The following DMD variants were observed in gnomAD, a reference collection of about 807,000 sequenced individuals.
DMD encodes mutant dystrophin.
DMD carries 63 observed loss-of-function variants against 330.1 expected under a neutral mutation model. The observed-to-expected ratio is 0.19, with a 90% CI of 0.16 to 0.24. The LOEUF (loss-of-function observed/expected upper bound fraction) is 0.24. Among genes scored for constraint, DMD ranks in the 10% least tolerant of loss-of-function variants. The pLI, the probability that DMD is intolerant of heterozygous loss-of-function variation, is 1.00. For missense variants in DMD, 3,344 were observed against 2,684.1 expected, an observed-to-expected ratio of 1.25 and a Z score of -5.43; for synonymous variants, 1,223 against 959.8, an observed-to-expected ratio of 1.27 and a Z score of -5.07.
chrX:31,316,256 A>G (rs1415947968), intron 62 of DMD, among the ~76,000 whole-genome samples: 3 of 112,444 alleles, frequency 2.7e-5, no homozygotes, highest in Non-Finnish European at 5.6e-5. Flanking sequence ...TTTGAGTGGT[A>G]AATCTAAATT....
At chrX:33,064,510 A>G (rs1213080108) in intron 1 of DMD, among the ~76,000 whole-genome samples, 1 of 112,504 alleles carries the variant, frequency 8.9e-6, no homozygotes, top group Non-Finnish European at 1.9e-5. Flanking sequence ...ACCACCGAAT[A>G]TACTTGATTA....
At chrX:33,087,131 C>T (rs996416101) in intron 1 of DMD, among the ~76,000 whole-genome samples, 2 of 111,686 alleles carry the variant, frequency 1.8e-5, no homozygotes, top group African/African-American at 6.5e-5. Flanking sequence ...GTCAGGAAAG[C>T]TCAAGAGATT....
intron 26 of DMD, among the ~76,000 whole-genome samples, chrX:32,450,539 T>C (rs186745182): frequency 2.1e-4 from 23 of 110,744 alleles, no homozygotes; most frequent in African/African-American, 7.2e-4. Flanking sequence ...TGCTACTGTG[T>C]TCTGTGCCAG....
At chrX:32,866,638 A>G (rs971508031) in intron 2 of DMD, among the ~76,000 whole-genome samples, 1 of 106,770 alleles carries the variant, frequency 9.4e-6, no homozygotes, top group African/African-American at 3.4e-5. Flanking sequence ...GCAAAAAAGA[A>G]TTAACGAAGC....
intron 63 of DMD, among the ~76,000 whole-genome samples, chrX:31,232,571 G>A (rs2047320209): frequency 9.0e-6 from 1 of 111,489 alleles, no homozygotes; most frequent in Admixed American, 9.5e-5. Flanking sequence ...GCCAGTTTAT[G>A]TAGCCAAGAA....
chrX:32,406,299 A>G (rs1483159451), intron 30 of DMD, among the ~76,000 whole-genome samples: 2 of 111,314 alleles, frequency 1.8e-5, no homozygotes, highest in Non-Finnish European at 3.8e-5. Context: ...GTTGAATAGG[A>G]GCAGTGAGAG....
chrX:32,730,144 G>A (rs940195347), intron 7 of DMD, among the ~76,000 whole-genome samples: 1 of 111,520 alleles, frequency 9.0e-6, no homozygotes, highest in African/African-American at 3.3e-5. Context: ...ACCAACCGGG[G>A]CAATGAAGCA....
chrX:31,828,331 A>G (rs760845946), intron 49 of DMD, among the ~76,000 whole-genome samples: 4 of 111,586 alleles, frequency 3.6e-5, no homozygotes, highest in Admixed American at 1.9e-4. Context: ...ATTCCTGGAA[A>G]CACACAACCC....
intron 7 of DMD, among the ~76,000 whole-genome samples, chrX:32,732,964 T>A (rs1471783987): frequency 1.8e-5 from 2 of 111,118 alleles, no homozygotes; most frequent in African/African-American, 6.6e-5. Context: ...AGACACAGAC[T>A]GGCAACTTGG....
rs377421289 is a variant in DMD, at chrX:31,344,512, G to A, written c.9163+4044C>T. Among the ~76,000 whole-genome samples, 8 of 111,314 alleles carry A rather than the reference G, an allele frequency of 7.2e-5. No homozygotes were observed. In the East Asian group the frequency reaches 2.0e-3, roughly 28 times the overall value. ...AAGATAGTTTTAAGGGAAAAAAGCA[G>A]CTCATAAAACTGTAGCATGTTTTTA... On this transcript the variant is annotated intron_variant, in intron 61 of 78. Coordinates refer to ENST00000357033, the MANE Select transcript of DMD (RefSeq NM_004006.3).
At position 31,929,621 on chromosome X, in the gene DMD, T is replaced by G; in HGVS notation, c.6887A>C (p.Lys2296Thr). ...CTTTATCCACTGGAGATTTGTCTGC[T>G]TGAGCTTATTTTCAAGTTTATCTTG... ...EEQDKLENKLKQTNLQWIKVS... is the reference protein window; with the variant it reads ...EEQDKLENKLTQTNLQWIKVS... Residue 2296 changes from lysine (K) to threonine (T), a missense_variant, in exon 47 of 79, where the codon AAG (lysine) becomes ACG (threonine). Lys to Thr is a moderately conservative substitution (Grantham distance 78). Coordinates refer to ENST00000357033, the MANE Select transcript of DMD (RefSeq NM_004006.3). 1 of 1,211,338 alleles carries G rather than the reference T, an allele frequency of 8.3e-7. No homozygotes were observed. Among genetic ancestry groups the G allele is most frequent in the Non-Finnish European group, 1.1e-6 (1 of 895,380 alleles).
chrX:31,185,154 T>C (rs2041640754), intron 67 of DMD, among the ~76,000 whole-genome samples: 1 of 111,627 alleles, frequency 9.0e-6, no homozygotes, highest in Admixed American at 9.4e-5. Flanking sequence ...CTATCTGTTT[T>C]CTATCTTGTG....
intron 71 of DMD, among the ~76,000 whole-genome samples, chrX:31,175,466 C>T (rs945058068): frequency 2.7e-5 from 3 of 110,922 alleles, no homozygotes; most frequent in Non-Finnish European, 5.7e-5. Context: ...TGCATAAGCA[C>T]AAGAACTTAC....
intron 34 of DMD, among the ~76,000 whole-genome samples, chrX:32,366,697 C>G (rs1171615318): frequency 8.9e-6 from 1 of 111,781 alleles, no homozygotes; most frequent in Non-Finnish European, 1.9e-5. Context: ...GGCTGTCTTT[C>G]TGCCACGCCA....
At chrX:32,854,729 C>T (rs908104284) in intron 2 of DMD, among the ~76,000 whole-genome samples, 8 of 110,956 alleles carry the variant, frequency 7.2e-5, no homozygotes, top group African/African-American at 2.0e-4. Flanking sequence ...AAGAAAAGCC[C>T]GAGACCTGAT....
At chrX:32,785,436 TAAG>T (rs1421616017) in intron 7 of DMD, among the ~76,000 whole-genome samples, 2 of 111,679 alleles carry the variant, frequency 1.8e-5, no homozygotes, top group Non-Finnish European at 3.8e-5. Flanking sequence ...TTTCTTTCAA[TAAG>T]AACATTCCTT....
chrX:31,293,203 TA>T (rs1351138790), intron 62 of DMD, among the ~76,000 whole-genome samples: 1,169 of 45,209 alleles, frequency 0.026, 31 homozygotes, highest in African/African-American at 0.15. Context: ...TAGTCTGGTT[TA>T]GTGTGTGTGT....
chrX:31,717,560 G>T (rs2085155346), intron 52 of DMD, among the ~76,000 whole-genome samples: 1 of 111,771 alleles, frequency 8.9e-6, no homozygotes, highest in African/African-American at 3.2e-5. Flanking sequence ...TCCTACAAGG[G>T]ATTAGACTAA....
intron 12 of DMD, among the ~76,000 whole-genome samples, chrX:32,613,849 A>C (rs2057360315): frequency 9.0e-6 from 1 of 111,702 alleles, no homozygotes; most frequent in South Asian, 3.7e-4. Flanking sequence ...TAACAAAAAT[A>C]ACTGAGAATG....
Sources: allele counts gnomAD v4.1 joint callset (sites outside exome capture counted in the v4.1 genomes callset), GRCh38; gene constraint gnomAD v4.1.1; transcripts MANE v1.5; gene names NCBI Gene and HGNC (gene_info 2026-07-23, HGNC 2026-07-21).